HCN1: variants seen among roughly 807,000 people sequenced by gnomAD.
The protein encoded by HCN1 is hyperpolarization activated cyclic nucleotide gated potassium channel 1, also known as potassium/sodium hyperpolarization-activated cyclic nucleotide-gated channel 1.
Under a neutral mutation model 78.9 loss-of-function variants are expected in HCN1, and 13 were observed. The observed-to-expected ratio is 0.16, with a 90% CI of 0.11 to 0.26. HCN1 has a LOEUF of 0.26. Ranked by LOEUF, HCN1 falls within the 10% of genes least tolerant of loss-of-function variation. The pLI, the probability that HCN1 is intolerant of heterozygous loss-of-function variation, is 1.00. For synonymous variants in HCN1, 552 were observed against 455.5 expected (o/e 1.21, Z -2.70); for missense variants, 810 against 1,154.3 (o/e 0.70, Z 4.32).
chr5:45,318,476 T>G (rs980861109), intron 5 of HCN1, among the ~76,000 whole-genome samples: 19 of 152,104 alleles, frequency 1.2e-4, no homozygotes, highest in Non-Finnish European at 2.5e-4. Flanking sequence ...GATGAGTTAA[T>G]GGGTGCAGCA....
intron 2 of HCN1, among the ~76,000 whole-genome samples, chr5:45,515,686 T>C (rs557285510): frequency 1.6e-4 from 25 of 151,950 alleles, no homozygotes; most frequent in Non-Finnish European, 3.4e-4. Context: ...ACGTCCCACA[T>C]AGAGAGAATA....
At chr5:45,564,656 G>C (rs957061563) in intron 2 of HCN1, among the ~76,000 whole-genome samples, 2 of 152,050 alleles carry the variant, frequency 1.3e-5, no homozygotes, top group Non-Finnish European at 1.5e-5. Flanking sequence ...TTTTATAAGA[G>C]CAAATACTCC....
intron 4 of HCN1, among the ~76,000 whole-genome samples, chr5:45,376,503 G>C (rs1466022082): frequency 6.7e-6 from 1 of 150,148 alleles, no homozygotes; most frequent in African/African-American, 2.4e-5. Context: ...TCAGCCTCCA[G>C]AACTGCAAGA....
At chr5:45,402,554 A>G (rs1210396877) in intron 3 of HCN1, among the ~76,000 whole-genome samples, 1 of 152,168 alleles carries the variant, frequency 6.6e-6, no homozygotes, top group Non-Finnish European at 1.5e-5. Flanking sequence ...TAGAGGAAGG[A>G]TGTAATAAGG....
chr5:45,508,870 TG>T, intron 2 of HCN1, among the ~76,000 whole-genome samples: 1 of 152,104 alleles, frequency 6.6e-6, no homozygotes, highest in African/African-American at 2.4e-5. Flanking sequence ...GTTGAAACCT[TG>T]TGAAAGCCAA....
intron 4 of HCN1, among the ~76,000 whole-genome samples, chr5:45,382,017 A>G (rs1747819109): frequency 6.6e-6 from 1 of 152,026 alleles, no homozygotes; most frequent in Admixed American, 6.6e-5. Flanking sequence ...TTCCTACATC[A>G]CTGACTTTGA....
At chr5:45,608,794 CTT>C (rs1425254492) in intron 2 of HCN1, among the ~76,000 whole-genome samples, 2 of 151,758 alleles carry the variant, frequency 1.3e-5, no homozygotes, top group Non-Finnish European at 2.9e-5. Flanking sequence ...AAATTAAAAA[CTT>C]CAGTATATCA....
intron 2 of HCN1, among the ~76,000 whole-genome samples, chr5:45,494,672 C>T (rs1448308642): frequency 1.3e-5 from 2 of 151,854 alleles, no homozygotes; most frequent in Non-Finnish European, 2.9e-5. Context: ...GAAGTCCTTG[C>T]CCATGCCTAT....
At chr5:45,322,758 G>A (rs1364406721) in intron 5 of HCN1, among the ~76,000 whole-genome samples, 2 of 151,802 alleles carry the variant, frequency 1.3e-5, no homozygotes, top group Non-Finnish European at 2.9e-5. Flanking sequence ...GTATTTAGAA[G>A]TTTGGATTTT....
chr5:45,598,829 G>C (rs966888357), intron 2 of HCN1, among the ~76,000 whole-genome samples: 1 of 152,186 alleles, frequency 6.6e-6, no homozygotes, highest in African/African-American at 2.4e-5. Context: ...ATCATCACTG[G>C]TCATCAGAGA....
At chr5:45,494,913 T>C (rs1447103571) in intron 2 of HCN1, among the ~76,000 whole-genome samples, 101 of 151,080 alleles carry the variant, frequency 6.7e-4, no homozygotes, top group African/African-American at 2.4e-3. Flanking sequence ...TAGTTGTAGA[T>C]ATGTGGCATT....
intron 3 of HCN1, among the ~76,000 whole-genome samples, chr5:45,441,181 T>C (rs1740671305): frequency 6.6e-6 from 1 of 152,140 alleles, no homozygotes; most frequent in Non-Finnish European, 1.5e-5. Flanking sequence ...TGTAACATAG[T>C]TTGTGCTGCT....
intron 5 of HCN1, among the ~76,000 whole-genome samples, chr5:45,304,103 A>T (rs1330400812): frequency 6.6e-6 from 1 of 152,118 alleles, no homozygotes; most frequent in Non-Finnish European, 1.5e-5. Context: ...TGAAAGTCTC[A>T]ACTTTTTTAA....
chr5:45,694,302 T>C (rs1379609753), intron 1 of HCN1, among the ~76,000 whole-genome samples: 1 of 152,222 alleles, frequency 6.6e-6, no homozygotes, highest in Non-Finnish European at 1.5e-5. Flanking sequence ...ATAAGTACCT[T>C]AAAATTATAC....
intron 2 of HCN1, among the ~76,000 whole-genome samples, chr5:45,557,027 C>T (rs1270279231): frequency 6.6e-6 from 1 of 151,992 alleles, no homozygotes; most frequent in East Asian, 1.9e-4. Flanking sequence ...ACTTCAATAT[C>T]CCCTGATAAT....
intron 3 of HCN1, among the ~76,000 whole-genome samples, chr5:45,437,593 C>CT (rs1397980459): frequency 1.3e-5 from 2 of 152,158 alleles, no homozygotes; most frequent in Admixed American, 6.5e-5. Context: ...ACTTTAAACT[C>CT]TGAGACTACT....
intron 6 of HCN1, among the ~76,000 whole-genome samples, chr5:45,287,895 G>T (rs1002004134): frequency 6.6e-6 from 1 of 151,948 alleles, no homozygotes; most frequent in East Asian, 1.9e-4. Context: ...TGGCCCTTTC[G>T]CTTATGCTAA....
In HCN1 at chr5:45,258,236, A is replaced by T. The variant is rs1744660395; in HGVS notation, c.*3685T>A. ...ATAATAGAGATTGCTCATAATTTGA[A>T]GTAGACATAATTCAGGATTTGAAAT... On this transcript the variant is annotated 3_prime_UTR_variant, in exon 8 of 8. Transcript: ENST00000303230. The T allele has an allele frequency of 6.6e-6, 1 of 152,208 alleles. No homozygotes were observed. 9.4% of individuals were successfully genotyped at this position (152,208 alleles called of 1,614,324 possible). A position where few individuals can be genotyped will look rare whatever the true frequency, so the allele number is the denominator to read the frequency against.
intron 2 of HCN1, among the ~76,000 whole-genome samples, chr5:45,469,720 T>C (rs564232280): frequency 1.8e-4 from 28 of 152,046 alleles, no homozygotes; most frequent in South Asian, 1.0e-3. Flanking sequence ...AAAAAGGCAG[T>C]GTTCTTTTCA....
Sources: allele counts gnomAD v4.1 joint callset (sites outside exome capture counted in the v4.1 genomes callset), GRCh38; gene constraint gnomAD v4.1.1; transcripts MANE v1.5; gene names NCBI Gene and HGNC (gene_info 2026-07-23, HGNC 2026-07-21).